Variants in DNAAF2 observed in about 807,000 individuals in gnomAD.
The protein encoded by DNAAF2 is protein kintoun.
In DNAAF2, 58 loss-of-function variants were observed where a neutral mutation model predicts 48.8. The ratio of observed to expected loss-of-function variants is 1.19; its 90% CI spans 0.96 to 1.48. DNAAF2 has a LOEUF of 1.48. Among genes scored for constraint, DNAAF2 ranks in the 40% most tolerant of loss-of-function variants. The pLI is 0.00. For synonymous variants in DNAAF2, 567 were observed against 481.2 expected (o/e 1.18, Z -2.33); for missense variants, 1,241 against 1,116.1 (o/e 1.11, Z -1.59).
Position 49,626,057 on chromosome 14 carries a change from A to G in DNAAF2, c.2008-9T>C, listed in dbSNP as rs776435634. ...TTACTACATTCTTGCAACTGTGTCA[A>G]GAGAAACAACAAATTAATAATTATT... On this transcript the variant is annotated splice_polypyrimidine_tract_variant and intron_variant, in intron 2 of 2. Transcript: ENST00000298292. The G allele has an allele frequency of 7.0e-7, 1 of 1,423,200 alleles. No individual in the cohort carries two copies. Among genetic ancestry groups the G allele is most frequent in the South Asian group, 1.7e-5 (1 of 58,716 alleles). The allele number at this position is 1,423,200 out of a possible 1,614,324, so 88.2% of individuals were successfully genotyped here.
rs1469715969 is a variant in DNAAF2, at chr14:49,633,450, A to C, written c.1700T>G (p.Val567Gly). Residue 567 changes from valine to glycine, a missense_variant, in exon 1 of 3, where the codon GTT becomes GGT. Val to Gly is a moderately radical substitution (Grantham distance 109). Transcript: ENST00000298292. ...YKLRFSAQDL[V>G]YSFFLQFAPE... ...AGCAAATTGCAAAAAGAAGGAATAA[A>C]CTAAGTCTTGTGCGGAGAAGCGTAA... The C allele has an allele frequency of 2.5e-6, 4 of 1,613,954 alleles. No homozygotes were observed. The highest frequency in any genetic ancestry group is 3.4e-6 in the Non-Finnish European group (4 of 1,179,904).
At position 49,627,212 on chromosome 14, in the gene DNAAF2, G is replaced by C. The variant is rs569062435; in HGVS notation, c.2007+800C>G. ...ACATGGTCTACAAAACTATTTAACA[G>C]TTATAAGCACATTGTTGAATTTCTT... On this transcript the variant is annotated intron_variant, in intron 2 of 2. Transcript: ENST00000298292. 3.9e-5 allele frequency among the ~76,000 whole-genome samples: 6 copies of C among 152,228 alleles called. No individual in the cohort carries two copies. The South Asian group carries it at 1.2e-3, about 32-fold the overall frequency.
chr14:49,627,242 T>C (rs1396359640), intron 2 of DNAAF2, among the ~76,000 whole-genome samples: 1 of 152,236 alleles, frequency 6.6e-6, no homozygotes, highest in Admixed American at 6.5e-5. Flanking sequence ...TTTCTTAAAT[T>C]TTCTTGAATT....
chr14:49,634,892 C>T lies in DNAAF2; in HGVS notation c.258G>A (p.Arg86=), dbSNP rs1318148510. ...TGCTGCAGACATTCACAAAGCAGCG[C>T]CGCGCCCCGTCCAGGCTGGTGCGCA... ...HVLRTSLDGA[R]RCFVNVCSNA... The change falls in exon 1 of 3, where the codon CGG becomes CGA. Residue 86 remains arginine, a synonymous_variant. Transcript: ENST00000298292. 6.5e-7 allele frequency: 1 copy of T among 1,550,054 alleles called. No individual in the cohort carries two copies. The highest frequency in any genetic ancestry group is 1.4e-5 in the African/African-American group (1 of 73,188).
At chr14:49,626,593 TGCCTCCAGGTTCAAACAATTCTGCCTCA>T (rs1351330687) in intron 2 of DNAAF2, among the ~76,000 whole-genome samples, 5 of 151,530 alleles carry the variant, frequency 3.3e-5, no homozygotes, top group African/African-American at 4.9e-5. Context: ...CTACAACCTC[TGCCTCCAGGTTCAAACAATTCTGCCTCA>T]GCCTCCCAAG....
Position 49,633,887 on chromosome 14 carries a change from C to T in DNAAF2, c.1263G>A (p.Ala421=). 1 of 1,535,402 alleles carries T rather than the reference C, an allele frequency of 6.5e-7. No homozygotes were observed. Among genetic ancestry groups the T allele is most frequent in the Non-Finnish European group, 8.7e-7 (1 of 1,147,064 alleles). ...GVTTLGDPEV[A]PPPAAAGEER... ...CCTCTCCAGCTGCGGCCGGCGGAGG[C>T]GCCACCTCCGGGTCGCCCAGGGTGG... Residue 421 remains alanine (A), a synonymous_variant, in exon 1 of 3, where the codon GCG becomes GCA. Coordinates refer to ENST00000298292, the MANE Select transcript of DNAAF2 (RefSeq NM_018139.3).
chr14:49,626,511 T>C (rs1425109436), intron 2 of DNAAF2, among the ~76,000 whole-genome samples: 3 of 152,108 alleles, frequency 2.0e-5, no homozygotes, highest in African/African-American at 7.2e-5. Flanking sequence ...ACAGGCAGCA[T>C]TTGAAGGATG....
Position 49,633,834 on chromosome 14 carries a change from T to A in DNAAF2, c.1316A>T (p.Asp439Val), listed in dbSNP as rs773020262. ...EERVPKPGEQDLSRHAGSPPG... is the reference protein window; with the variant it reads ...EERVPKPGEQVLSRHAGSPPG... ...CGGTGACCCCGCGTGCCTGCTCAAGTCCTGCTCCCCCGGCTTGGGGACACG... is the reference window on the plus strand; with the variant it reads ...CGGTGACCCCGCGTGCCTGCTCAAGACCTGCTCCCCCGGCTTGGGGACACG... The change falls in exon 1 of 3, where the codon GAC becomes GTC. Residue 439 changes from aspartate (D) to valine (V), a missense_variant. By Grantham distance (152) the Asp-to-Val change is radical. Transcript: ENST00000298292. The A allele has an allele frequency of 7.0e-6, 11 of 1,575,234 alleles. No individual in the cohort carries two copies. The highest frequency in any genetic ancestry group is 9.4e-6 in the Non-Finnish European group (11 of 1,168,664).
Position 49,633,953 on chromosome 14 carries a change from G to C in DNAAF2, c.1197C>G (p.Gly399=), listed in dbSNP as rs746701668. The change falls in exon 1 of 3, where the codon GGC becomes GGG. Residue 399 remains glycine (G), a synonymous_variant. Transcript: ENST00000298292. ...CAGCCCCAGCCACGCAGGTATCGTG[G>C]CCTCCGTCCTCCGCGCGACTCCTCG... ...GPARSRAEDG[G]HDTCVAGAAG... 3 of 1,529,670 alleles carry C rather than the reference G, an allele frequency of 2.0e-6. No individual in the cohort carries two copies. The African/African-American group carries it at 4.1e-5, about 21-fold the overall frequency. 94.8% of individuals were successfully genotyped at this position (1,529,670 alleles called of 1,614,324 possible). A position where few individuals can be genotyped will look rare whatever the true frequency, so the allele number is the denominator to read the frequency against.
In DNAAF2 at chr14:49,634,964, C is replaced by G. The variant is rs2985684; in HGVS notation, c.186G>C (p.Glu62Asp). 1,115,458 of 1,560,408 alleles carry G rather than the reference C, an allele frequency of 0.71. 411,942 individuals carry two copies. Among genetic ancestry groups the G allele is most frequent in the Non-Finnish European group, 0.77 (882,563 of 1,152,482 alleles). Residue 62 changes from glutamate (E) to aspartate (D), a missense_variant, in exon 1 of 3, where the codon GAG becomes GAC. By Grantham distance (45) the Glu-to-Asp change is conservative (BLOSUM62 2). Transcript: ENST00000298292. ...GCACGAACCGCACTTCCACCCCGCG[C>G]TCACGCTCTAGCGCGGTGATCTCCG... The part of the protein sequence containing the change: ...YEAEITALER[E>D]RGVEVRFVHP...
Position 49,633,465 on chromosome 14 carries a change from G to A in DNAAF2, c.1685C>T (p.Ser562Phe), listed in dbSNP as rs1224853450. 5 of 1,614,082 alleles carry A rather than the reference G, an allele frequency of 3.1e-6. No homozygotes were observed. The highest frequency in any genetic ancestry group is 2.7e-5 in the African/African-American group (2 of 75,076). Reference protein sequence around the residue: ...LNPLWYKLRFSAQDLVYSFFL... With the variant: ...LNPLWYKLRFFAQDLVYSFFL... ...GAAGGAATAAACTAAGTCTTGTGCG[G>A]AGAAGCGTAATTTGTACCAGAGGGG... The change falls in exon 1 of 3, where the codon TCC (serine) becomes TTC (phenylalanine). Residue 562 changes from serine to phenylalanine, a missense_variant. Ser to Phe is a radical substitution (Grantham distance 155). Coordinates refer to ENST00000298292, the MANE Select transcript of DNAAF2 (RefSeq NM_018139.3).
chr14:49,626,136 G>T, intron 2 of DNAAF2, 88 bp from the exon 3 acceptor site: 1 of 1,139,516 alleles, frequency 8.8e-7, no homozygotes, highest in Non-Finnish European at 1.1e-6. Flanking sequence ...ATTTTTAACA[G>T]TTGTGAGGTA....
intron 1 of DNAAF2, 97 bp downstream of exon 1, chr14:49,633,190 G>C: frequency 1.4e-6 from 2 of 1,424,762 alleles, no homozygotes; most frequent in Non-Finnish European, 1.9e-6. Context: ...AAAATGCTGG[G>C]ATTACAGGCG....
intron 2 of DNAAF2, among the ~76,000 whole-genome samples, chr14:49,626,438 G>A (rs544330272): frequency 2.5e-4 from 38 of 152,276 alleles, no homozygotes; most frequent in African/African-American, 7.9e-4. Context: ...GCACTGGGCC[G>A]AGATAGTGCC....
Position 49,628,035 on chromosome 14 carries a change from T to C in DNAAF2, c.1984A>G (p.Asn662Asp). The change falls in exon 2 of 3, where the codon AAT becomes GAT. Residue 662 changes from asparagine to aspartate, a missense_variant. Transcript: ENST00000298292. ...PLIEVLQVTD[N>D]KIQINAKLQE... is the part of the protein sequence containing the mutation. Reference sequence around the variant, plus strand: ...ACCTTTGCATTAATTTGAATCTTATTATCAGTAACTTGAAGAACTTCAATT... The same window carrying C: ...ACCTTTGCATTAATTTGAATCTTATCATCAGTAACTTGAAGAACTTCAATT... 6.4e-7 allele frequency: 1 copy of C among 1,569,768 alleles called. No individual in the cohort carries two copies. Among genetic ancestry groups the C allele is most frequent in the Non-Finnish European group, 8.7e-7 (1 of 1,155,732 alleles).
chr14:49,633,333 C>T lies in DNAAF2; in HGVS notation c.1817G>A (p.Gly606Glu). The change falls in exon 1 of 3, where the codon GGA becomes GAA. Residue 606 changes from glycine (G) to glutamate (E), a missense_variant. By Grantham distance (98) the Gly-to-Glu change is moderately conservative. Coordinates refer to ENST00000298292, the MANE Select transcript of DNAAF2 (RefSeq NM_018139.3). ...ACCATAATACCACTCTCTCCAATGT[C>T]CATGGCTCTCTGGAGATTTTGCCAG... The part of the protein sequence containing the change: ...IELAKSPESH[G>E]HWREWYYGVN... The T allele has an allele frequency of 6.2e-7, 1 of 1,614,032 alleles. No individual in the cohort carries two copies. The highest frequency in any genetic ancestry group is 8.5e-7 in the Non-Finnish European group (1 of 1,179,890).
Position 49,635,010 on chromosome 14 carries a change from T to G in DNAAF2, c.140A>C (p.Glu47Ala), listed in dbSNP as rs1883306783. 6.4e-7 allele frequency: 1 copy of G among 1,569,088 alleles called. No individual in the cohort carries two copies. Among genetic ancestry groups the G allele is most frequent in the Admixed American group, 1.9e-5 (1 of 53,538 alleles). The change falls in exon 1 of 3, where the codon GAG (glutamate) becomes GCG (alanine). Residue 47 changes from glutamate to alanine, a missense_variant. Coordinates refer to ENST00000298292, the MANE Select transcript of DNAAF2 (RefSeq NM_018139.3). ...SQYAEELTDP[E>A]NRRRYEAEIT... is the part of the protein sequence containing the mutation. ...CTCCGCCTCGTAGCGCCGCCGGTTC[T>G]CCGGGTCGGTGAGCTCCTCGGCGTA... is the stretch of plus-strand genomic sequence containing the variant.
intron 1 of DNAAF2, among the ~76,000 whole-genome samples, chr14:49,630,755 A>ACACACACACACAC (rs1164053249): frequency 7.1e-6 from 1 of 140,586 alleles, no homozygotes; most frequent in Admixed American, 7.1e-5. Context: ...ACACACACAC[A>ACACACACACACAC]CTTTTTTTTT....
At chr14:49,632,676 C>T (rs1263300699) in intron 1 of DNAAF2, among the ~76,000 whole-genome samples, 1 of 124,670 alleles carries the variant, frequency 8.0e-6, no homozygotes, top group Non-Finnish European at 1.8e-5. Context: ...AAAGTCCTGA[C>T]CTCAGAAGAT....
Sources: allele counts gnomAD v4.1 joint callset (sites outside exome capture counted in the v4.1 genomes callset), GRCh38; gene constraint gnomAD v4.1.1; transcripts MANE v1.5; gene names NCBI Gene and HGNC (gene_info 2026-07-23, HGNC 2026-07-21).